The following NOX4 variants were observed in gnomAD, a reference collection of about 807,000 sequenced individuals.
The protein encoded by NOX4 is kidney oxidase-1.
Under a neutral mutation model 87.6 loss-of-function variants are expected in NOX4, and 69 were observed. That is an observed-to-expected ratio of 0.79 (90% confidence interval 0.65 to 0.96). The LOEUF (loss-of-function observed/expected upper bound fraction) is 0.96, where lower values mean the gene tolerates loss of function less well. Among genes scored for constraint, NOX4 ranks in the 40% least tolerant of loss-of-function variants. The probability of loss-of-function intolerance (pLI) is 0.00; values close to 1 mark genes in which losing one functional copy is unlikely to be tolerated. For synonymous variants in NOX4, 275 were observed against 238.2 expected (o/e 1.15, Z -1.42); for missense variants, 680 against 681.5 (o/e 1.00, Z 0.02).
At chr11:89,335,402 T>C (rs1157699322) in intron 17 of NOX4, among the ~76,000 whole-genome samples, 1 of 151,772 alleles carries the variant, frequency 6.6e-6, no homozygotes, top group African/African-American at 2.4e-5. Flanking sequence ...AGAGAGTTTT[T>C]TGAAAAACAA....
chr11:89,564,498 G>A, the NOX4 span, among the ~76,000 whole-genome samples: 1 of 152,128 alleles, frequency 6.6e-6, no homozygotes, highest in African/African-American at 2.4e-5. Context: ...CCTTCAACAT[G>A]GGAGATTATA....
chr11:89,491,305 G>GCTCTGTGCCC lies in NOX4; in HGVS notation c.-60_-59insGGGCACAGAG. 1 of 1,517,198 alleles carries GCTCTGTGCCC rather than the reference G, an allele frequency of 6.6e-7. No homozygotes were observed. The highest frequency in any genetic ancestry group is 1.2e-5 in the South Asian group (1 of 84,234). 94.0% of individuals were successfully genotyped at this position (1,517,198 alleles called of 1,614,324 possible). A position where few individuals can be genotyped will look rare whatever the true frequency, so the allele number is the denominator to read the frequency against. ...GCCGGACCGAGAAGGAGCGGGCGGCGGCCGGGGCAGCGGTTACAGTTGTGC... is the reference window on the plus strand; with the variant it reads ...GCCGGACCGAGAAGGAGCGGGCGGCGCTCTGTGCCCGCCGGGGCAGCGGTTACAGTTGTGC... On this transcript the variant is annotated 5_prime_UTR_variant, in exon 1 of 18. Transcript: ENST00000263317.
At chr11:89,489,111 TA>T (rs1946744049) in intron 2 of NOX4, 1 of 636,300 alleles carries the variant, frequency 1.6e-6, no homozygotes, top group South Asian at 1.8e-5. Flanking sequence ...ATCAACAGAT[TA>T]TGATATTACT....
intron 2 of NOX4, among the ~76,000 whole-genome samples, chr11:89,464,572 T>C (rs1249891666): frequency 6.6e-6 from 1 of 152,168 alleles, no homozygotes; most frequent in Non-Finnish European, 1.5e-5. Context: ...ACTTCAGGTG[T>C]TTATTTTTAA....
intron 2 of NOX4, among the ~76,000 whole-genome samples, chr11:89,487,297 G>A (rs945361062): frequency 1.3e-5 from 2 of 152,080 alleles, no homozygotes; most frequent in Non-Finnish European, 2.9e-5. Flanking sequence ...AAAATTCCTG[G>A]CATATCACAG....
chr11:89,346,856 G>C (rs1946235961), intron 13 of NOX4, among the ~76,000 whole-genome samples: 1 of 152,178 alleles, frequency 6.6e-6, no homozygotes, highest in Non-Finnish European at 1.5e-5. Context: ...CAGTCCTGAT[G>C]ACAGGGTTTA....
intron 13 of NOX4, among the ~76,000 whole-genome samples, chr11:89,342,808 T>G (rs1171949056): frequency 6.6e-6 from 1 of 152,166 alleles, no homozygotes; most frequent in Non-Finnish European, 1.5e-5. Flanking sequence ...TGTTTATATA[T>G]TCAAGTGTGT....
the NOX4 span, among the ~76,000 whole-genome samples, chr11:89,553,494 T>C: frequency 1.2e-4 from 19 of 152,288 alleles, no homozygotes; most frequent in African/African-American, 4.3e-4. Flanking sequence ...GTATTCTTTA[T>C]AGCAGTGTGA....
the NOX4 span, among the ~76,000 whole-genome samples, chr11:89,573,961 G>A: frequency 5.3e-5 from 8 of 151,990 alleles, no homozygotes; most frequent in Non-Finnish European, 1.2e-4. Context: ...CGGTGGAGTC[G>A]CCCCAGAAGG....
intron 16 of NOX4, among the ~76,000 whole-genome samples, chr11:89,336,904 T>G (rs1945736110): frequency 6.6e-6 from 1 of 152,032 alleles, no homozygotes; most frequent in South Asian, 2.1e-4. Context: ...TGCCTAGATT[T>G]ATACACCAGT....
chr11:89,453,251 T>A (rs1394330203), intron 2 of NOX4, among the ~76,000 whole-genome samples: 2 of 152,120 alleles, frequency 1.3e-5, no homozygotes, highest in Admixed American at 1.3e-4. Context: ...ACTCTCTACT[T>A]CTATGATTTC....
At chr11:89,538,095 A>G in the NOX4 span, among the ~76,000 whole-genome samples, 92 of 152,308 alleles carry the variant, frequency 6.0e-4, no homozygotes, top group African/African-American at 2.1e-3. Context: ...ACAAGTTAAC[A>G]TGTCTCTTAG....
intron 15 of NOX4, 22 bp from the exon 16 acceptor site, chr11:89,337,537 T>C (rs3737449): frequency 0.076 from 121,775 of 1,608,030 alleles, 5,314 homozygotes; most frequent in Admixed American, 0.17. Context: ...GAAAAAGGAA[T>C]AGACTTATTA....
intron 2 of NOX4, among the ~76,000 whole-genome samples, chr11:89,485,716 T>C (rs527984955): frequency 2.0e-5 from 3 of 152,178 alleles, no homozygotes; most frequent in Admixed American, 2.0e-4. Flanking sequence ...GGATTTAATC[T>C]TAAGCAATCA....
the NOX4 span, among the ~76,000 whole-genome samples, chr11:89,536,413 TG>T: frequency 6.6e-6 from 1 of 152,098 alleles, no homozygotes; most frequent in African/African-American, 2.4e-5. Flanking sequence ...CCCAAAGTGC[TG>T]GGATTACAGG....
intron 11 of NOX4, among the ~76,000 whole-genome samples, chr11:89,383,542 C>T (rs953774745): frequency 3.3e-5 from 5 of 152,148 alleles, no homozygotes; most frequent in African/African-American, 1.2e-4. Flanking sequence ...AGTCCATCCC[C>T]TTCTTAATCA....
At position 89,337,490 on chromosome 11, in the gene NOX4, T is replaced by C. The variant is rs373220761; in HGVS notation, c.1472A>G (p.Tyr491Cys). 453 of 1,612,244 alleles carry C rather than the reference T, an allele frequency of 2.8e-4. No homozygotes were observed. Among genetic ancestry groups the C allele is most frequent in the Non-Finnish European group, 3.6e-4 (423 of 1,178,870 alleles). Reference protein sequence around the residue: ...NKFWQENRPDYVNIQLYLSQT... With the variant: ...NKFWQENRPDCVNIQLYLSQT... ...ACTGAGGTACAGCTGGATGTTGACATAGTCAGGTCTGTTCTCTTGCCAAAA... is the reference window on the plus strand; with the variant it reads ...ACTGAGGTACAGCTGGATGTTGACACAGTCAGGTCTGTTCTCTTGCCAAAA... Residue 491 changes from tyrosine to cysteine, a missense_variant, in exon 16 of 18, where the codon TAT (tyrosine) becomes TGT (cysteine). Transcript: ENST00000263317.
intron 12 of NOX4, among the ~76,000 whole-genome samples, chr11:89,361,234 T>G (rs1477264960): frequency 6.6e-6 from 1 of 151,844 alleles, no homozygotes; most frequent in East Asian, 1.9e-4. Context: ...ATAAAGAAAA[T>G]GTGGTATACA....
chr11:89,529,740 AG>A, the NOX4 span, among the ~76,000 whole-genome samples: 1 of 152,230 alleles, frequency 6.6e-6, no homozygotes, highest in African/African-American at 2.4e-5. Context: ...GTCTCCAGAC[AG>A]TTTAATGCTT....
Sources: gnomAD v4.1 joint callset for allele counts (sites outside exome capture counted in the v4.1 genomes callset) on GRCh38, gnomAD v4.1.1 for gene constraint, MANE v1.5 for transcripts, NCBI Gene and HGNC (gene_info 2026-07-23, HGNC 2026-07-21) for gene names.